CCT6B: variants seen among roughly 807,000 people sequenced by gnomAD.
The protein encoded by CCT6B is probable T-complex protein 1 subunit zeta-2.
Under a neutral mutation model 61.5 loss-of-function variants are expected in CCT6B, and 49 were observed. The ratio of observed to expected loss-of-function variants is 0.80; its 90% confidence interval spans 0.63 to 1.01. The LOEUF (loss-of-function observed/expected upper bound fraction) is 1.01, where lower values mean the gene tolerates loss of function less well. CCT6B is among the 50% of genes least tolerant of loss of function. CCT6B has a pLI of 0.00. For synonymous variants in CCT6B, 228 were observed against 214.5 expected, an observed-to-expected ratio of 1.06 and a Z score of -0.55; for missense variants, 666 against 634.7, an observed-to-expected ratio of 1.05 and a Z score of -0.53.
chr17:34,957,388 C>T (rs931777032), intron 3 of CCT6B, among the ~76,000 whole-genome samples: 11 of 152,244 alleles, frequency 7.2e-5, no homozygotes, highest in South Asian at 2.1e-4. Flanking sequence ...AGGTGATCCA[C>T]CTGCCTCGGC....
At chr17:34,959,479 C>G in intron 2 of CCT6B, 108 bp downstream of exon 2, 1 of 819,018 alleles carries the variant, frequency 1.2e-6, no homozygotes, top group Non-Finnish European at 2.0e-6. Context: ...CAGCATATCT[C>G]AAGACTGCAG....
chr17:34,939,100 C>T, intron 10 of CCT6B, 83 bp downstream of exon 10: 1 of 1,132,936 alleles, frequency 8.8e-7, no homozygotes. Context: ...TACATATATA[C>T]ATACATAGGT....
intron 2 of CCT6B, among the ~76,000 whole-genome samples, chr17:34,959,122 ACTTTTTTTTTTTTTT>A (rs2090381631): frequency 1.1e-5 from 1 of 91,836 alleles, no homozygotes; most frequent in Non-Finnish European, 2.2e-5. Flanking sequence ...AAAAAAAAAA[ACTTTTTTTTTTTTTT>A]TTTTTGAGAC....
At chr17:34,958,165 C>T (rs2090368959) in intron 3 of CCT6B, among the ~76,000 whole-genome samples, 2 of 152,100 alleles carry the variant, frequency 1.3e-5, no homozygotes, top group African/African-American at 4.8e-5. Context: ...CTGTCTAGAC[C>T]AGGCACGGTG....
intron 3 of CCT6B, among the ~76,000 whole-genome samples, chr17:34,955,717 A>G (rs761528896): frequency 3.9e-5 from 6 of 152,184 alleles, no homozygotes; most frequent in Non-Finnish European, 7.4e-5. Flanking sequence ...ATAATCTTTA[A>G]AAGTTGACAT....
rs1159456560 is a variant in CCT6B, at chr17:34,927,990, T to C, written c.*58A>G. 9 of 1,217,656 alleles carry C rather than the reference T, an allele frequency of 7.4e-6. No individual in the cohort carries two copies. Among genetic ancestry groups the C allele is most frequent in the Non-Finnish European group, 1.1e-5 (9 of 839,826 alleles). The allele number at this position is 1,217,656 out of a possible 1,614,324, so 75.4% of individuals were successfully genotyped here. The stretch of plus-strand genomic sequence containing the variant: ...AATGGCTCAGGCTACACAATAGTAG[T>C]CAGATGTAAAGTGTACTAAATTTCA... On this transcript the variant is annotated 3_prime_UTR_variant, in exon 14 of 14. Coordinates refer to ENST00000314144, the MANE Select transcript of CCT6B (RefSeq NM_006584.4).
At chr17:34,945,596 C>T (rs544594209) in intron 5 of CCT6B, among the ~76,000 whole-genome samples, 16 of 152,238 alleles carry the variant, frequency 1.1e-4, no homozygotes, top group Admixed American at 2.6e-4. Context: ...TGTAGTATAC[C>T]AACATTCCTA....
At chr17:34,955,282 A>C (rs1196565446) in intron 3 of CCT6B, among the ~76,000 whole-genome samples, 1 of 152,222 alleles carries the variant, frequency 6.6e-6, no homozygotes, top group African/African-American at 2.4e-5. Context: ...CACTATTAAT[A>C]TAAGTGGTGA....
Position 34,959,615 on chromosome 17 carries a change from T to G in CCT6B, c.173A>C (p.Lys58Thr), listed in dbSNP as rs763134761. ...CTCATCGAGCAGCACATTGCCATCT[T>G]TGGTGAGTTTGATGTCACCTGCACC... ...VSGAGDIKLT[K>T]DGNVLLDEMQ... is the part of the protein sequence containing the mutation. Residue 58 changes from lysine to threonine, a missense_variant, in exon 2 of 14, where the codon AAA (lysine) becomes ACA (threonine). Coordinates refer to ENST00000314144, the MANE Select transcript of CCT6B (RefSeq NM_006584.4). The G allele has an allele frequency of 5.0e-6, 8 of 1,613,400 alleles. No homozygotes were observed. The Admixed American group carries it at 1.3e-4, about 27-fold the overall frequency.
At position 34,940,589 on chromosome 17, in the gene CCT6B, T is replaced by G. The variant is rs2090152336; in HGVS notation, c.918A>C (p.Ala306=). Residue 306 remains alanine, a synonymous_variant, in exon 8 of 14, where the codon GCA becomes GCC. Transcript: ENST00000314144. ...TGCGAAGAGCTACTATTCCATGTTT[T>G]GCAAGAGAATCTAAGGAAAATGGAT... ...GIDPFSLDSL[A]KHGIVALRRA... is the part of the protein sequence containing the mutation. 1 of 1,576,804 alleles carries G rather than the reference T, an allele frequency of 6.3e-7. No individual in the cohort carries two copies. The highest frequency in any genetic ancestry group is 8.6e-7 in the Non-Finnish European group (1 of 1,158,312).
At chr17:34,939,942 C>T (rs2090141699) in intron 8 of CCT6B, among the ~76,000 whole-genome samples, 1 of 152,024 alleles carries the variant, frequency 6.6e-6, no homozygotes, top group Non-Finnish European at 1.5e-5. Flanking sequence ...TACATATTGC[C>T]TATGTGAGGC....
At chr17:34,929,494 T>C (rs560281063) in intron 12 of CCT6B, among the ~76,000 whole-genome samples, 20 of 127,542 alleles carry the variant, frequency 1.6e-4, no homozygotes, top group Non-Finnish European at 2.9e-4. Context: ...TTTCTTTCTT[T>C]TTTTTTTTTT....
At chr17:34,960,128 C>G (rs1017366375) in intron 1 of CCT6B, among the ~76,000 whole-genome samples, 1 of 152,204 alleles carries the variant, frequency 6.6e-6, no homozygotes. Flanking sequence ...GGATGGCATC[C>G]GGATATCTCC....
intron 3 of CCT6B, among the ~76,000 whole-genome samples, chr17:34,958,329 A>G (rs1310620429): frequency 2.0e-5 from 3 of 152,190 alleles, no homozygotes; most frequent in Admixed American, 1.3e-4. Flanking sequence ...CTGTAATCCC[A>G]GCTACTCGGG....
intron 13 of CCT6B, among the ~76,000 whole-genome samples, chr17:34,928,714 C>T (rs1200957644): frequency 1.3e-5 from 2 of 152,060 alleles, no homozygotes; most frequent in East Asian, 3.8e-4. Context: ...CAGTAAATTT[C>T]CCCTTTTCTT....
chr17:34,939,342 C>T lies in CCT6B; in HGVS notation c.1066-12G>A. The T allele has an allele frequency of 6.3e-7, 1 of 1,594,440 alleles. No homozygotes were observed. Among genetic ancestry groups the T allele is most frequent in the Non-Finnish European group, 8.6e-7 (1 of 1,167,556 alleles). On this transcript the variant is annotated splice_polypyrimidine_tract_variant and intron_variant, in intron 9 of 13. Coordinates refer to ENST00000314144, the MANE Select transcript of CCT6B (RefSeq NM_006584.4). ...AACTTTTCTTCACCCTAAAGGGTGG[C>T]ACAAAAATATATAACTTTAATATTT...
At chr17:34,957,995 T>C (rs1034390855) in intron 3 of CCT6B, among the ~76,000 whole-genome samples, 1 of 152,212 alleles carries the variant, frequency 6.6e-6, no homozygotes, top group African/African-American at 2.4e-5. Context: ...TCTTTCTTAA[T>C]TACCCATGGA....
At position 34,927,963 on chromosome 17, in the gene CCT6B, A is replaced by C; in HGVS notation, c.*85T>G. ...AACTGCATTTATTGTGTAGAAATTCAGAATGGCTCAGGCTACACAATAGTA... is the reference window on the plus strand; with the variant it reads ...AACTGCATTTATTGTGTAGAAATTCCGAATGGCTCAGGCTACACAATAGTA... On this transcript the variant is annotated 3_prime_UTR_variant, in exon 14 of 14. Transcript: ENST00000314144. The C allele has an allele frequency of 1.1e-6, 1 of 873,182 alleles. No homozygotes were observed. The highest frequency in any genetic ancestry group is 2.6e-5 in the Admixed American group (1 of 37,926). The allele number at this position is 873,182 out of a possible 1,614,324, so 54.1% of individuals were successfully genotyped here. A position where few individuals can be genotyped will look rare whatever the true frequency, so the allele number is the denominator to read the frequency against.
Position 34,961,455 on chromosome 17 carries a change from C to T in CCT6B, c.-62G>A, listed in dbSNP as rs1395783665. On this transcript the variant is annotated 5_prime_UTR_variant, in exon 1 of 14. Coordinates refer to ENST00000314144, the MANE Select transcript of CCT6B (RefSeq NM_006584.4). Reference sequence around the variant, plus strand: ...TAGTCGCGATTCTGAGCAAAAACGGCAATGCGACGCCACGCTCTCTTGAGC... The same window carrying T: ...TAGTCGCGATTCTGAGCAAAAACGGTAATGCGACGCCACGCTCTCTTGAGC... The T allele has an allele frequency of 4.5e-6, 7 of 1,561,904 alleles. No individual in the cohort carries two copies. Among genetic ancestry groups the T allele is most frequent in the East Asian group, 2.2e-5 (1 of 44,460 alleles).
Sources: allele counts gnomAD v4.1 joint callset (sites outside exome capture counted in the v4.1 genomes callset), GRCh38; gene constraint gnomAD v4.1.1; transcripts MANE v1.5; gene names NCBI Gene and HGNC (gene_info 2026-07-23, HGNC 2026-07-21).